Variants in SNX29 observed in about 807,000 individuals in gnomAD.
SNX29 encodes the protein sorting nexin 29.
In SNX29, 78 loss-of-function variants were observed where a neutral mutation model predicts 102.1. That is an observed-to-expected ratio of 0.76 (90% CI 0.64 to 0.92). The LOEUF is 0.92. SNX29 is among the 40% of genes least tolerant of loss of function. The pLI is 0.00. For missense variants in SNX29, 1,280 were observed against 1,061.7 expected (o/e 1.21, Z -2.86); for synonymous variants, 580 against 414.5 (o/e 1.40, Z -4.85).
At chr16:12,562,935 C>T (rs997399492) in intron 20 of SNX29, among the ~76,000 whole-genome samples, 2 of 152,116 alleles carry the variant, frequency 1.3e-5, no homozygotes, top group African/African-American at 2.4e-5. Context: ...CAAAAACCTG[C>T]ATAGTAAGAA....
In SNX29 at chr16:12,568,572, G is replaced by T. The variant is rs369902479; in HGVS notation, c.2385G>T (p.Leu795=). Residue 795 remains leucine (L), a synonymous_variant, in exon 21 of 21, where the codon CTG becomes CTT. Coordinates refer to ENST00000566228, the MANE Select transcript of SNX29 (RefSeq NM_032167.5). ...AAGCAGCTTCCCGCTTCCCCAAACT[G>T]TCCCGGGGTCAGCCCCGGGAGACCC... The part of the protein sequence containing the change: ...RPKAASRFPK[L]SRGQPRETRN... 1.2e-6 allele frequency: 2 copies of T among 1,607,964 alleles called. No homozygotes were observed. The highest frequency in any genetic ancestry group is 1.7e-5 in the Admixed American group (1 of 60,012).
At chr16:12,354,623 A>G (rs1246108171) in intron 15 of SNX29, among the ~76,000 whole-genome samples, 2 of 152,188 alleles carry the variant, frequency 1.3e-5, no homozygotes, top group African/African-American at 2.4e-5. Flanking sequence ...TTTAGCAGTA[A>G]TATCGGCAGC....
intron 20 of SNX29, among the ~76,000 whole-genome samples, chr16:12,553,241 A>C (rs1419867214): frequency 1.3e-5 from 2 of 152,154 alleles, no homozygotes; most frequent in African/African-American, 4.8e-5. Context: ...GAGAATACAG[A>C]GAGAGATTGT....
chr16:12,485,498 C>A (rs1040305993), intron 19 of SNX29, among the ~76,000 whole-genome samples: 1 of 152,200 alleles, frequency 6.6e-6, no homozygotes, highest in Non-Finnish European at 1.5e-5. Context: ...ATTAAAAACA[C>A]ATACACCCGT....
At chr16:12,462,150 C>A (rs1219293044) in intron 18 of SNX29, among the ~76,000 whole-genome samples, 1 of 151,268 alleles carries the variant, frequency 6.6e-6, no homozygotes, top group Admixed American at 6.6e-5. Flanking sequence ...TGGGCTCGAT[C>A]TCTTGCCATA....
chr16:12,332,695 G>C (rs1432344013), intron 15 of SNX29, among the ~76,000 whole-genome samples: 2 of 152,154 alleles, frequency 1.3e-5, no homozygotes, highest in Non-Finnish European at 2.9e-5. Flanking sequence ...GCCGCCACCA[G>C]GGTTGGGCAC....
chr16:12,138,269 G>A (rs1038596930), intron 13 of SNX29, among the ~76,000 whole-genome samples: 1 of 147,532 alleles, frequency 6.8e-6, no homozygotes, highest in East Asian at 2.0e-4. Flanking sequence ...GTGCAGTGGT[G>A]CGATCTCGGC....
At chr16:12,324,392 G>T (rs148314456) in intron 15 of SNX29, among the ~76,000 whole-genome samples, 1 of 151,924 alleles carries the variant, frequency 6.6e-6, no homozygotes, top group African/African-American at 2.4e-5. Flanking sequence ...GCTGATTCTC[G>T]CCCTGTGGAA....
intron 20 of SNX29, among the ~76,000 whole-genome samples, chr16:12,552,943 C>G (rs371004944): frequency 6.6e-6 from 1 of 152,172 alleles, no homozygotes; most frequent in Admixed American, 6.5e-5. Flanking sequence ...TTATATGCCA[C>G]GTCATCAGGA....
At chr16:12,431,790 G>A (rs576454946) in intron 18 of SNX29, among the ~76,000 whole-genome samples, 1 of 152,340 alleles carries the variant, frequency 6.6e-6, no homozygotes, top group East Asian at 1.9e-4. Context: ...GGTGCTGTGA[G>A]GTCGGGTAAT....
chr16:12,536,348 C>A (rs777767774), intron 20 of SNX29, among the ~76,000 whole-genome samples: 1 of 152,116 alleles, frequency 6.6e-6, no homozygotes, highest in African/African-American at 2.4e-5. Flanking sequence ...ACAAGCCGTA[C>A]TGTCAGGGTT....
rs552500474 is a variant in SNX29 at position 12,552,719 on chromosome 16, G to A, written c.2319-15787G>A. On this transcript the variant is annotated intron_variant, in intron 20 of 20. Coordinates refer to ENST00000566228, the MANE Select transcript of SNX29 (RefSeq NM_032167.5). ...GAAGATTTAGATTGGGGGACTGATAGAAGAGACATGGTATCTCCAGTGAAA... is the reference window on the plus strand; with the variant it reads ...GAAGATTTAGATTGGGGGACTGATAAAAGAGACATGGTATCTCCAGTGAAA... 2.1e-4 allele frequency among the ~76,000 whole-genome samples: 32 copies of A among 152,366 alleles called. No homozygotes were observed. The East Asian group carries it at 5.4e-3, about 26-fold the overall frequency.
chr16:12,258,325 C>T lies in SNX29; in HGVS notation c.1679-19608C>T, dbSNP rs942330184. On this transcript the variant is annotated intron_variant, in intron 14 of 20. Coordinates refer to ENST00000566228, the MANE Select transcript of SNX29 (RefSeq NM_032167.5). The stretch of plus-strand genomic sequence containing the variant: ...GCCTTTCTGTTCCCGGAAGAAGTCC[C>T]GCGTTCCCATGTCATCGCACTTGCC... Among the ~76,000 whole-genome samples the T allele has an allele frequency of 9.2e-5, 14 of 152,144 alleles. No homozygotes were observed. The East Asian group carries it at 9.6e-4, about 10-fold the overall frequency.
At chr16:12,004,009 C>A (rs1412971049) in intron 3 of SNX29, among the ~76,000 whole-genome samples, 1 of 151,826 alleles carries the variant, frequency 6.6e-6, no homozygotes, top group African/African-American at 2.4e-5. Context: ...GTACTCCAGC[C>A]TGGGTGACAG....
At chr16:12,284,315 G>A (rs2151034791) in intron 15 of SNX29, among the ~76,000 whole-genome samples, 2 of 152,366 alleles carry the variant, frequency 1.3e-5, no homozygotes, top group South Asian at 4.1e-4. Flanking sequence ...CTCTGTTAGT[G>A]AAATGCAGCC....
intron 3 of SNX29, among the ~76,000 whole-genome samples, chr16:12,008,899 G>A (rs2056550385): frequency 6.6e-6 from 1 of 151,686 alleles, no homozygotes; most frequent in Admixed American, 6.6e-5. Flanking sequence ...GCGCCTCCAG[G>A]CCTGGGTAAT....
Position 12,524,946 on chromosome 16 carries a change from C to T in SNX29, c.2318+105C>T, listed in dbSNP as rs868033622. The T allele has an allele frequency of 5.1e-5, 76 of 1,484,798 alleles. 1 individual carries two copies. In the Middle Eastern group the frequency reaches 5.0e-3, roughly 98 times the overall value. The allele number at this position is 1,484,798 out of a possible 1,614,324, so 92.0% of individuals were successfully genotyped here. A position where few individuals can be genotyped will look rare whatever the true frequency, so the allele number is the denominator to read the frequency against. ...CAGCGGCTCTCCGTGATGCCCTGATCGCCATGGGACCCAGGCGAACTCCAG... is the reference window on the plus strand; with the variant it reads ...CAGCGGCTCTCCGTGATGCCCTGATTGCCATGGGACCCAGGCGAACTCCAG... On this transcript the variant is annotated intron_variant, in intron 20 of 20. Transcript: ENST00000566228.
intron 15 of SNX29, among the ~76,000 whole-genome samples, chr16:12,303,221 A>G (rs1032887): frequency 0.041 from 6,265 of 152,306 alleles, 230 homozygotes; most frequent in African/African-American, 0.093. Flanking sequence ...AGTTTGACCA[A>G]TATTAAAACA....
At chr16:12,104,926 T>C (rs923126483) in intron 11 of SNX29, among the ~76,000 whole-genome samples, 11 of 152,250 alleles carry the variant, frequency 7.2e-5, no homozygotes, top group Admixed American at 6.5e-5. Context: ...CTTCTAGGGC[T>C]GGGTCTGAAT....
Sources: gnomAD v4.1 joint callset for allele counts (sites outside exome capture counted in the v4.1 genomes callset) on GRCh38, gnomAD v4.1.1 for gene constraint, MANE v1.5 for transcripts, NCBI Gene and HGNC (gene_info 2026-07-23, HGNC 2026-07-21) for gene names.